The following DNAAF5 variants were observed in gnomAD, a reference collection of about 807,000 sequenced individuals.
DNAAF5 encodes the protein HEAT repeat containing 2.
DNAAF5 carries 64 observed loss-of-function variants against 75.8 expected under a neutral mutation model. The ratio of observed to expected loss-of-function variants is 0.84; its 90% CI spans 0.69 to 1.04. The LOEUF (loss-of-function observed/expected upper bound fraction) is 1.04, where lower values mean the gene tolerates loss of function less well. Among genes scored for constraint, DNAAF5 ranks in the 50% least tolerant of loss-of-function variants. The probability of loss-of-function intolerance (pLI) is 0.00; values close to 1 mark genes in which losing one functional copy is unlikely to be tolerated. For missense variants in DNAAF5, 1,269 were observed against 1,178.5 expected (o/e 1.08, Z -1.12); for synonymous variants, 657 against 557.2 (o/e 1.18, Z -2.52).
intron 2 of DNAAF5, chr7:732,544 A>T: frequency 6.6e-6 from 3 of 456,078 alleles, no homozygotes; most frequent in South Asian, 3.1e-5. Context: ...GGAGCAACAG[A>T]TGTTACAGGA....
rs149980915 is a variant in DNAAF5, at chr7:729,707, C to G, written c.640C>G (p.Gln214Glu). Residue 214 changes from glutamine to glutamate, a missense_variant, in exon 2 of 13, where the codon CAG becomes GAG. Physicochemically the swap from Gln to Glu is conservative, Grantham distance 29. Transcript: ENST00000297440. Reference protein sequence around the residue: ...QSESLIGPLMQTISHQHWKVR... With the variant: ...QSESLIGPLMETISHQHWKVR... The stretch of plus-strand genomic sequence containing the variant: ...GGAGTCTCTGATCGGGCCCCTGATG[C>G]AGACCATCTCCCACCAGCACTGGAA... 821 of 1,614,100 alleles carry G rather than the reference C, an allele frequency of 5.1e-4. 2 individuals carry two copies. Among genetic ancestry groups the G allele is most frequent in the Middle Eastern group, 1.2e-3 (7 of 6,062 alleles).
At chr7:743,339 C>T (rs1781979687) in intron 4 of DNAAF5, among the ~76,000 whole-genome samples, 2 of 151,836 alleles carry the variant, frequency 1.3e-5, no homozygotes, top group African/African-American at 4.8e-5. Context: ...CACACCCCTG[C>T]ACTCCAGCCT....
intron 4 of DNAAF5, among the ~76,000 whole-genome samples, 166 bp downstream of exon 4, chr7:741,631 G>A (rs538377384): frequency 2.8e-4 from 42 of 152,332 alleles, no homozygotes; most frequent in Middle Eastern, 3.4e-3. Context: ...TGCATCCTGG[G>A]CAGAGCACGT....
intron 6 of DNAAF5, among the ~76,000 whole-genome samples, chr7:761,079 C>T (rs1188039919): frequency 6.6e-6 from 1 of 152,224 alleles, no homozygotes. Context: ...CCGTCATTTC[C>T]CTCACAGGTG....
chr7:759,059 C>T (rs565532819), intron 6 of DNAAF5, among the ~76,000 whole-genome samples: 2 of 152,226 alleles, frequency 1.3e-5, no homozygotes, highest in South Asian at 2.1e-4. Context: ...GAATCAGGCC[C>T]GTGGTTCTGT....
At chr7:768,351 C>CAG (rs1454109159) in intron 8 of DNAAF5, 1 of 148,568 alleles carries the variant, frequency 6.7e-6, no homozygotes, top group African/African-American at 2.5e-5. Flanking sequence ...ACACGTGATC[C>CAG]TGGCGGAAGT....
At chr7:749,515 C>T (rs1782222791) in intron 4 of DNAAF5, among the ~76,000 whole-genome samples, 1 of 152,162 alleles carries the variant, frequency 6.6e-6, no homozygotes, top group Non-Finnish European at 1.5e-5. Flanking sequence ...GAGCTCGCAC[C>T]CATTCTGCTT....
intron 12 of DNAAF5, among the ~76,000 whole-genome samples, chr7:782,669 A>G (rs1486884700): frequency 8.0e-5 from 7 of 87,420 alleles, no homozygotes; most frequent in South Asian, 4.5e-4. Flanking sequence ...CAGAAACTCG[A>G]TCTTCCTGGC....
At chr7:758,925 A>C (rs1475553926) in intron 6 of DNAAF5, among the ~76,000 whole-genome samples, 1 of 152,028 alleles carries the variant, frequency 6.6e-6, no homozygotes, top group Non-Finnish European at 1.5e-5. Context: ...TCAAGTGATC[A>C]GCCCACCTCG....
intron 4 of DNAAF5, 73 bp downstream of exon 4, chr7:741,538 AAG>A: frequency 1.1e-6 from 1 of 935,522 alleles, no homozygotes. Context: ...TCTGAGCCTG[AAG>A]GAAGCTTCAG....
intron 2 of DNAAF5, among the ~76,000 whole-genome samples, chr7:730,493 A>G (rs1479347288): frequency 6.6e-6 from 1 of 152,128 alleles, no homozygotes; most frequent in East Asian, 1.9e-4. Context: ...TGGCCTCTTC[A>G]CTGTGCATGG....
At chr7:770,332 T>C (rs930052909) in intron 8 of DNAAF5, 139 bp from the exon 9 acceptor site, 9 of 686,590 alleles carry the variant, frequency 1.3e-5, no homozygotes, top group African/African-American at 7.2e-5. Context: ...ACCTTACTGA[T>C]TGAGAAAGAG....
chr7:759,811 A>G (rs1782589155), intron 6 of DNAAF5, among the ~76,000 whole-genome samples: 1 of 152,198 alleles, frequency 6.6e-6, no homozygotes, highest in Admixed American at 6.5e-5. Flanking sequence ...AGGTGTGGTC[A>G]GCCAGGAGGG....
At chr7:769,072 G>A (rs771927408) in intron 8 of DNAAF5, 1 of 699,066 alleles carries the variant, frequency 1.4e-6, no homozygotes, top group South Asian at 1.5e-5. Context: ...TCGAGCCAGA[G>A]CAGCGAGTAC....
rs1781335411 is a variant in DNAAF5, at chr7:727,033, C to CGCCGCGCCGCGCGGCCCCGCGATGCCCT, written c.322_349dup (p.Leu117ArgfsTer32). The stretch of plus-strand genomic sequence containing the variant: ...AGTGCACCTGCTGGATCTGGGCCTG[C>CGCCGCGCCGCGCGGCCCCGCGATGCCCT]GCCGCGCCGCGCGGCCCCGCGATGC... On this transcript the variant is annotated frameshift_variant, in exon 1 of 13. Coordinates refer to ENST00000297440, the MANE Select transcript of DNAAF5 (RefSeq NM_017802.4). LOFTEE classifies it high-confidence loss of function. 2.7e-6 allele frequency: 3 copies of CGCCGCGCCGCGCGGCCCCGCGATGCCCT among 1,130,994 alleles called. No individual in the cohort carries two copies. The highest frequency in any genetic ancestry group is 1.7e-5 in the African/African-American group (1 of 60,426). The allele number at this position is 1,130,994 out of a possible 1,614,324, so 70.1% of individuals were successfully genotyped here.
intron 7 of DNAAF5, 24 bp downstream of exon 7, chr7:761,920 T>C: frequency 6.4e-7 from 1 of 1,556,700 alleles, no homozygotes; most frequent in Non-Finnish European, 8.7e-7. Context: ...TGGTGGCTGC[T>C]GCTTGACCTA....
At chr7:733,028 G>A (rs1399447395) in intron 2 of DNAAF5, among the ~76,000 whole-genome samples, 1 of 152,178 alleles carries the variant, frequency 6.6e-6, no homozygotes, top group African/African-American at 2.4e-5. Flanking sequence ...ACCATTTATT[G>A]AAGAAACTGT....
intron 1 of DNAAF5, among the ~76,000 whole-genome samples, chr7:728,995 C>CTTTTTTTTT (rs398003363): frequency 8.0e-6 from 1 of 125,604 alleles, no homozygotes; most frequent in Non-Finnish European, 1.6e-5. Flanking sequence ...TTGGTTCTGA[C>CTTTTTTTTT]TTTTTTTTTT....
rs1782425406 is a variant in DNAAF5 at position 754,655 on chromosome 7, T to C, written c.1091T>C (p.Leu364Pro). ...FRNLSKILPA[L>P]CHDITDWVVG... The stretch of plus-strand genomic sequence containing the variant: ...AACCTCTCCAAGATCCTCCCTGCCC[T>C]GTGCCACGACATCACCGACTGGGTG... The change falls in exon 5 of 13, where the codon CTG becomes CCG. Residue 364 changes from leucine to proline, a missense_variant. Transcript: ENST00000297440. This position sits in a 1 kb window ranked among gnomAD's most constrained non-coding sequence, Gnocchi z 4.8. 2 of 1,614,126 alleles carry C rather than the reference T, an allele frequency of 1.2e-6. No homozygotes were observed. Among genetic ancestry groups the C allele is most frequent in the East Asian group, 4.5e-5 (2 of 44,880 alleles).
Sources: gnomAD v4.1 joint callset for allele counts (sites outside exome capture counted in the v4.1 genomes callset) on GRCh38, gnomAD v4.1.1 for gene constraint, Gnocchi (gnomAD v3.1) non-coding constraint, MANE v1.5 for transcripts, NCBI Gene and HGNC (gene_info 2026-07-23, HGNC 2026-07-21) for gene names.